The following LRRC4C variants were observed in gnomAD, a reference collection of about 807,000 sequenced individuals.
The protein encoded by LRRC4C is leucine rich repeat containing 4C, also known as leucine-rich repeat-containing protein 4C.
Under a neutral mutation model 33.6 loss-of-function variants are expected in LRRC4C, and 5 were observed. The observed-to-expected ratio is 0.15, with a 90% confidence interval of 0.08 to 0.31. The LOEUF (loss-of-function observed/expected upper bound fraction) is 0.31. Among genes scored for constraint, LRRC4C ranks in the 10% least tolerant of loss-of-function variants. LRRC4C has a pLI of 1.00. For missense variants in LRRC4C, 560 were observed against 796.7 expected (o/e 0.70, Z 3.58); for synonymous variants, 329 against 302.0 (o/e 1.09, Z -0.93).
intron 2 of LRRC4C, among the ~76,000 whole-genome samples, chr11:40,656,232 T>G (rs1457753265): frequency 6.7e-6 from 1 of 150,172 alleles, no homozygotes; most frequent in Non-Finnish European, 1.5e-5. Context: ...TTTTTTTTTG[T>G]CCACTCATCT....
chr11:40,583,777 A>T (rs559935815), intron 3 of LRRC4C, among the ~76,000 whole-genome samples: 55 of 152,056 alleles, frequency 3.6e-4, no homozygotes, highest in African/African-American at 1.3e-3. Context: ...AAATACACAG[A>T]AGTCAAGATC....
chr11:41,423,176 C>A (rs1031306839), intron 1 of LRRC4C, among the ~76,000 whole-genome samples: 1 of 151,912 alleles, frequency 6.6e-6, no homozygotes, highest in Non-Finnish European at 1.5e-5. Context: ...GGAGATTTAA[C>A]AGGGTTGGTG....
intron 2 of LRRC4C, among the ~76,000 whole-genome samples, chr11:40,781,244 A>T (rs1013362334): frequency 6.6e-6 from 1 of 152,204 alleles, no homozygotes; most frequent in Non-Finnish European, 1.5e-5. Context: ...TTATAGCACT[A>T]TCATTGTATA....
chr11:41,245,734 G>T (rs1186809758), intron 1 of LRRC4C, among the ~76,000 whole-genome samples: 1 of 152,202 alleles, frequency 6.6e-6, no homozygotes, highest in African/African-American at 2.4e-5. Flanking sequence ...CATTTGGCAG[G>T]TACTGAGTTC....
At chr11:40,617,153 G>A (rs2135928913) in intron 3 of LRRC4C, among the ~76,000 whole-genome samples, 1 of 151,754 alleles carries the variant, frequency 6.6e-6, no homozygotes, top group African/African-American at 2.4e-5. Flanking sequence ...ATATCAATAT[G>A]CAGTTTTAGA....
chr11:41,300,362 A>G (rs372319506), intron 1 of LRRC4C, among the ~76,000 whole-genome samples: 11 of 152,108 alleles, frequency 7.2e-5, no homozygotes, highest in African/African-American at 2.4e-4. Context: ...AGTTTATTTG[A>G]CTTCCTTTCC....
intron 3 of LRRC4C, among the ~76,000 whole-genome samples, chr11:40,548,325 T>C (rs1380167506): frequency 6.6e-6 from 1 of 152,110 alleles, no homozygotes; most frequent in Non-Finnish European, 1.5e-5. Flanking sequence ...TGAAGCCTTT[T>C]AGGGAAGGCA....
intron 2 of LRRC4C, among the ~76,000 whole-genome samples, chr11:40,742,112 A>C (rs2136913121): frequency 6.6e-6 from 1 of 152,216 alleles, no homozygotes; most frequent in East Asian, 1.9e-4. Flanking sequence ...GATGAAATTC[A>C]AATCAGCCCA....
intron 2 of LRRC4C, among the ~76,000 whole-genome samples, chr11:40,847,750 G>A (rs951926835): frequency 1.5e-4 from 23 of 150,048 alleles, no homozygotes; most frequent in Non-Finnish European, 1.3e-4. Context: ...ACCTCTGGTG[G>A]AATTAGGCTG....
chr11:41,458,068 A>C (rs1267602025), intron 1 of LRRC4C, among the ~76,000 whole-genome samples: 1 of 152,114 alleles, frequency 6.6e-6, no homozygotes, highest in Non-Finnish European at 1.5e-5. Flanking sequence ...GGGTGCTCTC[A>C]TAAATCTTTG....
At chr11:40,243,901 T>C (rs1866129205) in intron 4 of LRRC4C, among the ~76,000 whole-genome samples, 1 of 150,348 alleles carries the variant, frequency 6.7e-6, no homozygotes, top group South Asian at 2.1e-4. Context: ...AGTTTCACCA[T>C]GTTGGCCAGG....
intron 3 of LRRC4C, among the ~76,000 whole-genome samples, chr11:40,566,059 A>C (rs1957746338): frequency 7.2e-6 from 1 of 139,314 alleles, no homozygotes; most frequent in Admixed American, 7.1e-5. Context: ...TTATTCGTAA[A>C]TTAACTGCCT....
At chr11:41,403,034 G>A (rs893051170) in intron 1 of LRRC4C, among the ~76,000 whole-genome samples, 2 of 152,036 alleles carry the variant, frequency 1.3e-5, no homozygotes, top group Admixed American at 6.6e-5. Context: ...GCAAAGAACA[G>A]TATTTTTTTC....
chr11:40,628,742 G>A (rs1456706609), intron 3 of LRRC4C, among the ~76,000 whole-genome samples: 2 of 152,154 alleles, frequency 1.3e-5, no homozygotes, highest in African/African-American at 4.8e-5. Context: ...CAATGTCAAT[G>A]TGCTTCTATT....
At chr11:40,208,108 A>C (rs1330025311) in intron 5 of LRRC4C, among the ~76,000 whole-genome samples, 1 of 152,208 alleles carries the variant, frequency 6.6e-6, no homozygotes, top group Non-Finnish European at 1.5e-5. Context: ...GTTAAAAGAA[A>C]TTTTCAGAAA....
intron 2 of LRRC4C, among the ~76,000 whole-genome samples, chr11:40,756,049 G>A (rs34632226): frequency 0.066 from 10,087 of 151,988 alleles, 547 homozygotes; most frequent in African/African-American, 0.15. Flanking sequence ...CAACAGGCAT[G>A]CAAGTGCCTA....
chr11:40,740,718 T>G (rs987382374), intron 2 of LRRC4C, among the ~76,000 whole-genome samples: 1 of 152,076 alleles, frequency 6.6e-6, no homozygotes, highest in Non-Finnish European at 1.5e-5. Flanking sequence ...CAGACTAATG[T>G]AATGAAGACT....
intron 1 of LRRC4C, among the ~76,000 whole-genome samples, chr11:41,302,551 C>A (rs1950316230): frequency 6.6e-6 from 1 of 152,062 alleles, no homozygotes; most frequent in Admixed American, 6.5e-5. Context: ...TCAAATGGCA[C>A]AAATCGGTAA....
chr11:40,345,394 A>G (rs1947079607), intron 3 of LRRC4C, among the ~76,000 whole-genome samples: 1 of 152,140 alleles, frequency 6.6e-6, no homozygotes, highest in Non-Finnish European at 1.5e-5. Flanking sequence ...AAATAATGCC[A>G]TATTCATACA....
Sources: allele counts gnomAD v4.1 joint callset (sites outside exome capture counted in the v4.1 genomes callset), GRCh38; gene constraint gnomAD v4.1.1; transcripts MANE v1.5; gene names NCBI Gene and HGNC (gene_info 2026-07-23, HGNC 2026-07-21).